The following CMIP variants were observed in gnomAD, a reference collection of about 807,000 sequenced individuals.
The protein encoded by CMIP is C-Maf-inducing protein.
A neutral mutation model predicts 97.3 loss-of-function variants in CMIP; 13 were observed. The ratio of observed to expected loss-of-function variants is 0.13; its 90% confidence interval spans 0.09 to 0.21. The LOEUF (loss-of-function observed/expected upper bound fraction) is 0.21, where lower values mean the gene tolerates loss of function less well. Ranked by LOEUF, CMIP falls within the 10% of genes least tolerant of loss-of-function variation. The pLI, the probability that CMIP is intolerant of heterozygous loss-of-function variation, is 1.00. For missense variants in CMIP, 847 were observed against 1,024.9 expected (o/e 0.83, Z 2.37); for synonymous variants, 538 against 436.3 (o/e 1.23, Z -2.91).
intron 1 of CMIP, among the ~76,000 whole-genome samples, chr16:81,579,251 CAG>C (rs2091255242): frequency 6.6e-6 from 1 of 152,184 alleles, no homozygotes; most frequent in Admixed American, 6.5e-5. Context: ...CCTTGCAAGA[CAG>C]AGGCCAGCAG....
chr16:81,453,485 C>T lies in CMIP; in HGVS notation c.300+7944C>T, dbSNP rs576613740. 2.6e-5 allele frequency among the ~76,000 whole-genome samples: 4 copies of T among 152,142 alleles called. No individual in the cohort carries two copies. The highest frequency in any genetic ancestry group is 9.7e-5 in the African/African-American group (4 of 41,420). ...GCCAGTGCCAGTTTCCTTAGAGGTC[C>T]AGGATATCTGAAAATTGGAGCACAC... On this transcript the variant is annotated intron_variant, in intron 1 of 20. Transcript: ENST00000537098. The surrounding 1 kb of genome is among the most constrained non-coding windows in gnomAD (Gnocchi z 4.0).
At chr16:81,609,004 C>G (rs1480558866) in intron 2 of CMIP, among the ~76,000 whole-genome samples, 1 of 152,190 alleles carries the variant, frequency 6.6e-6, no homozygotes, top group Non-Finnish European at 1.5e-5. Flanking sequence ...GAATGCTGAG[C>G]TCAGTAGCGG....
intron 13 of CMIP, among the ~76,000 whole-genome samples, chr16:81,694,190 T>G (rs1001932506): frequency 1.3e-5 from 2 of 152,200 alleles, no homozygotes; most frequent in Non-Finnish European, 2.9e-5. Context: ...GAGGCAAGAT[T>G]CGAGCCTGGT....
chr16:81,572,338 G>A (rs1597102710), intron 1 of CMIP, among the ~76,000 whole-genome samples: 1 of 152,202 alleles, frequency 6.6e-6, no homozygotes, highest in South Asian at 2.1e-4. Flanking sequence ...GTGAATGAAC[G>A]CGGTCGCTCT....
intron 1 of CMIP, among the ~76,000 whole-genome samples, chr16:81,502,889 A>C (rs2089638822): frequency 6.6e-6 from 1 of 152,168 alleles, no homozygotes; most frequent in Admixed American, 6.5e-5. Flanking sequence ...GGCTGTGCGG[A>C]GCCACTGCTG....
intron 2 of CMIP, among the ~76,000 whole-genome samples, chr16:81,610,750 G>A (rs570676321): frequency 6.6e-6 from 1 of 152,288 alleles, no homozygotes; most frequent in African/African-American, 2.4e-5. Context: ...CTGGGGCGGG[G>A]TGCACTTGGC....
intron 1 of CMIP, among the ~76,000 whole-genome samples, chr16:81,470,173 T>C (rs949220718): frequency 6.6e-5 from 10 of 152,224 alleles, no homozygotes; most frequent in Admixed American, 5.2e-4. Context: ...AAGAAGATGT[T>C]GAAAGCAATA....
At chr16:81,487,401 C>T (rs969230361) in intron 1 of CMIP, among the ~76,000 whole-genome samples, 12 of 152,202 alleles carry the variant, frequency 7.9e-5, no homozygotes, top group African/African-American at 2.7e-4. Flanking sequence ...GCTCCACTCC[C>T]GAGGCCCCAG....
In CMIP at chr16:81,483,840, T is replaced by C. The variant is rs1157888560; in HGVS notation, c.300+38299T>C. 2.6e-5 allele frequency among the ~76,000 whole-genome samples: 4 copies of C among 152,338 alleles called. No homozygotes were observed. In the East Asian group the frequency reaches 7.7e-4, roughly 29 times the overall value. ...TCGCAACCCGTCCTGCAGCATGTTA[T>C]CTGTCCAGGCAGATAGTGGCGATCT... is the stretch of plus-strand genomic sequence containing the variant. On this transcript the variant is annotated intron_variant, in intron 1 of 20. Transcript: ENST00000537098.
At chr16:81,574,554 A>G (rs773314344) in intron 1 of CMIP, among the ~76,000 whole-genome samples, 35 of 152,376 alleles carry the variant, frequency 2.3e-4, no homozygotes, top group Non-Finnish European at 2.9e-5. Context: ...CTAATGGACA[A>G]ATTGGAAAAT....
In CMIP at chr16:81,472,073, TAC is replaced by T. The variant is rs563885082; in HGVS notation, c.300+26541_300+26542del. 3.3e-5 allele frequency among the ~76,000 whole-genome samples: 5 copies of T among 152,264 alleles called. No homozygotes were observed. The South Asian group carries it at 1.0e-3, about 32-fold the overall frequency. On this transcript the variant is annotated intron_variant, in intron 1 of 20. Coordinates refer to ENST00000537098, the MANE Select transcript of CMIP (RefSeq NM_198390.3). Reference sequence around the variant, plus strand: ...ATATGCACTCAATGTATATGCCGTGTACACACACACTCACGCACATGCACATG... The same window carrying T: ...ATATGCACTCAATGTATATGCCGTGTACACACACTCACGCACATGCACATG...
At chr16:81,641,816 C>T (rs145901301) in intron 3 of CMIP, among the ~76,000 whole-genome samples, 10 of 152,284 alleles carry the variant, frequency 6.6e-5, no homozygotes, top group African/African-American at 1.2e-4. Flanking sequence ...CTCAACTCTC[C>T]GATTTGAAGG....
intron 1 of CMIP, among the ~76,000 whole-genome samples, chr16:81,547,561 C>G (rs913453259): frequency 9.9e-5 from 15 of 151,938 alleles, no homozygotes; most frequent in Admixed American, 8.5e-4. Flanking sequence ...TGGAGACAAA[C>G]TTACCGTTTC....
chr16:81,448,247 A>G (rs1326880445), intron 1 of CMIP, among the ~76,000 whole-genome samples: 2 of 152,236 alleles, frequency 1.3e-5, no homozygotes, highest in African/African-American at 4.8e-5. Context: ...TATCTGGTTA[A>G]TTGTATGGGC....
At position 81,691,855 on chromosome 16, in the gene CMIP, C is replaced by T. The variant is rs1390821165; in HGVS notation, c.1454+15C>T. On this transcript the variant is annotated intron_variant, in intron 11 of 20. Coordinates refer to ENST00000537098, the MANE Select transcript of CMIP (RefSeq NM_198390.3). The stretch of plus-strand genomic sequence containing the variant: ...TTCCCCAAAGAGTAAGTCCCGTGTG[C>T]ATCCCCGGAGCCCTCCCACCTGTGA... 1 of 1,609,924 alleles carries T rather than the reference C, an allele frequency of 6.2e-7. No homozygotes were observed. The highest frequency in any genetic ancestry group is 1.1e-5 in the South Asian group (1 of 90,908).
chr16:81,498,962 T>C (rs1205908079), intron 1 of CMIP, among the ~76,000 whole-genome samples: 1 of 152,232 alleles, frequency 6.6e-6, no homozygotes. Context: ...TAGGACCCCA[T>C]GTACAAGCAT....
At chr16:81,485,870 C>T (rs1404888393) in intron 1 of CMIP, among the ~76,000 whole-genome samples, 1 of 152,154 alleles carries the variant, frequency 6.6e-6, no homozygotes, top group African/African-American at 2.4e-5. Context: ...CACCACGTGG[C>T]CTGCTTGGAC....
In CMIP at chr16:81,614,106, A is replaced by C. The variant is rs2091874574; in HGVS notation, c.426+6414A>C. Among the ~76,000 whole-genome samples the C allele has an allele frequency of 6.6e-6, 1 of 152,188 alleles. No individual in the cohort carries two copies. Among genetic ancestry groups the C allele is most frequent in the African/African-American group, 2.4e-5 (1 of 41,442 alleles). On this transcript the variant is annotated intron_variant, in intron 2 of 20. Transcript: ENST00000537098. This position sits in a 1 kb window ranked among gnomAD's most constrained non-coding sequence, Gnocchi z 5.3. Reference sequence around the variant, plus strand: ...AGGGGAAGGCACCATCAAGACAGTCATTCTGGAGAAGTGGCATTTCAGGAG... The same window carrying C: ...AGGGGAAGGCACCATCAAGACAGTCCTTCTGGAGAAGTGGCATTTCAGGAG...
In CMIP at chr16:81,445,440, C is replaced by A; in HGVS notation, c.199C>A (p.His67Asn). Residue 67 changes from histidine (H) to asparagine (N), a missense_variant, in exon 1 of 21, where the codon CAC becomes AAC. Coordinates refer to ENST00000537098, the MANE Select transcript of CMIP (RefSeq NM_198390.3). ...EGDIQVCVIRHPRTFLSKILT... is the reference protein window; with the variant it reads ...EGDIQVCVIRNPRTFLSKILT... ...CGACATTCAGGTCTGTGTCATCCGG[C>A]ACCCGCGGACCTTTCTCAGCAAGAT... 1 of 1,586,594 alleles carries A rather than the reference C, an allele frequency of 6.3e-7. No individual in the cohort carries two copies.
Sources: allele counts gnomAD v4.1 joint callset (sites outside exome capture counted in the v4.1 genomes callset), GRCh38; gene constraint gnomAD v4.1.1; non-coding constraint Gnocchi (gnomAD v3.1); transcripts MANE v1.5; gene names NCBI Gene and HGNC (gene_info 2026-07-23, HGNC 2026-07-21).